SLC1A1: variants seen among roughly 807,000 people sequenced by gnomAD.
SLC1A1 encodes the protein solute carrier family 1 member 1.
In SLC1A1, 43 loss-of-function variants were observed where a neutral mutation model predicts 53.3. That is an observed-to-expected ratio of 0.81 (90% CI 0.63 to 1.04). The LOEUF is 1.04. Among genes scored for constraint, SLC1A1 ranks in the 50% least tolerant of loss-of-function variants. SLC1A1 has a pLI of 0.00. For synonymous variants in SLC1A1, 307 were observed against 243.2 expected, an observed-to-expected ratio of 1.26 and a Z score of -2.44; for missense variants, 748 against 664.9, an observed-to-expected ratio of 1.12 and a Z score of -1.37.
At chr9:4,504,444 G>A (rs779249606) in intron 1 of SLC1A1, among the ~76,000 whole-genome samples, 12 of 152,200 alleles carry the variant, frequency 7.9e-5, no homozygotes, top group East Asian at 1.9e-4. Context: ...GAACAACTGC[G>A]TGGGTAAACA....
chr9:4,526,819 G>A (rs943263259), intron 1 of SLC1A1, among the ~76,000 whole-genome samples: 3 of 151,676 alleles, frequency 2.0e-5, no homozygotes, highest in Admixed American at 1.3e-4. Context: ...GCAGTTCTGA[G>A]ACGGCACCCA....
chr9:4,551,014 C>T (rs1375882902), intron 2 of SLC1A1, among the ~76,000 whole-genome samples: 2 of 152,198 alleles, frequency 1.3e-5, no homozygotes, highest in African/African-American at 4.8e-5. Flanking sequence ...GACTCTGACA[C>T]TCCAGATGCA....
rs151159472 is a variant in SLC1A1, at chr9:4,576,487, T to C, written c.999-82T>C. 2.0e-3 allele frequency: 2,356 copies of C among 1,165,570 alleles called. 20 individuals carry two copies. In the African/African-American group the frequency reaches 0.028, roughly 14 times the overall value. 72.2% of individuals were successfully genotyped at this position (1,165,570 alleles called of 1,614,324 possible). ...ACCTAAAAGGACCCTTTGTTTACTT[T>C]TTGGAAGACAGGCATGTCTTCAGGC... On this transcript the variant is annotated intron_variant, in intron 9 of 11. Transcript: ENST00000262352.
chr9:4,517,374 C>T (rs1433832227), intron 1 of SLC1A1, among the ~76,000 whole-genome samples: 1 of 152,186 alleles, frequency 6.6e-6, no homozygotes, highest in Admixed American at 6.5e-5. Context: ...CTTGTCCTGC[C>T]TACTAGAATA....
At chr9:4,554,892 C>T (rs1042912468) in intron 2 of SLC1A1, among the ~76,000 whole-genome samples, 1 of 152,196 alleles carries the variant, frequency 6.6e-6, no homozygotes, top group Non-Finnish European at 1.5e-5. Flanking sequence ...CAGTGATGCA[C>T]ATCATCTTTA....
chr9:4,567,676 C>T lies in SLC1A1; in HGVS notation c.491C>T (p.Thr164Ile), dbSNP rs1322820613. 1 of 1,609,500 alleles carries T rather than the reference C, an allele frequency of 6.2e-7. No individual in the cohort carries two copies. Among genetic ancestry groups the T allele is most frequent in the Admixed American group, 1.7e-5 (1 of 59,984 alleles). Residue 164 changes from threonine (T) to isoleucine (I), a missense_variant, in exon 6 of 12, where the codon ACT becomes ATT. Transcript: ENST00000262352. ...ATTTTCTCCAACATGCAGTACAAAA[C>T]TAAGCGTGAAGAAGTGAAGCCTCCC... ...LVQACFQQYK[T>I]KREEVKPPSD... is the part of the protein sequence containing the mutation.
At chr9:4,528,100 A>G (rs1460699029) in intron 1 of SLC1A1, among the ~76,000 whole-genome samples, 3 of 152,178 alleles carry the variant, frequency 2.0e-5, no homozygotes, top group Non-Finnish European at 4.4e-5. Context: ...TATTAGGAGC[A>G]TGGACACTTT....
chr9:4,571,255 G>C (rs1820012613), intron 6 of SLC1A1, among the ~76,000 whole-genome samples: 1 of 152,244 alleles, frequency 6.6e-6, no homozygotes, highest in African/African-American at 2.4e-5. Context: ...GGAGGAGGGA[G>C]AGGATCAGGA....
At chr9:4,502,389 GAAAAAA>G (rs775499017) in intron 1 of SLC1A1, among the ~76,000 whole-genome samples, 13 of 56,490 alleles carry the variant, frequency 2.3e-4, no homozygotes, top group African/African-American at 6.9e-4. Flanking sequence ...CCTGTCTCCA[GAAAAAA>G]AAAAAAAAAA....
At chr9:4,546,490 G>C (rs958503856) in intron 2 of SLC1A1, among the ~76,000 whole-genome samples, 3 of 151,912 alleles carry the variant, frequency 2.0e-5, no homozygotes, top group African/African-American at 7.2e-5. Context: ...ACGGTGGTCT[G>C]AAACCAAGAG....
rs141047333 is a variant in SLC1A1 at position 4,557,008 on chromosome 9, C to T, written c.233-4441C>T. 4.2e-3 allele frequency among the ~76,000 whole-genome samples: 640 copies of T among 152,240 alleles called. 2 individuals carry two copies. The highest frequency in any genetic ancestry group is 6.7e-3 in the Non-Finnish European group (457 of 68,018). On this transcript the variant is annotated intron_variant, in intron 2 of 11. Coordinates refer to ENST00000262352, the MANE Select transcript of SLC1A1 (RefSeq NM_004170.6). ...GTCTTTTATGGCTGAAAAGTGTTCT[C>T]GTTGGCTGCCCTGGGAACCAAACTA...
rs534030367 is a variant in SLC1A1 at position 4,549,784 on chromosome 9, A to T, written c.232+5077A>T. Among the ~76,000 whole-genome samples, 6 of 152,178 alleles carry T rather than the reference A, an allele frequency of 3.9e-5. No homozygotes were observed. The South Asian group carries it at 1.2e-3, about 32-fold the overall frequency. On this transcript the variant is annotated intron_variant, in intron 2 of 11. Coordinates refer to ENST00000262352, the MANE Select transcript of SLC1A1 (RefSeq NM_004170.6). This position sits in a 1 kb window ranked among gnomAD's most constrained non-coding sequence, Gnocchi z 4.1. ...AGGAGCCTTCCATAGACTCCATACC[A>T]TAGTACCTGCTGGGTTATTGCAACC...
intron 1 of SLC1A1, among the ~76,000 whole-genome samples, chr9:4,537,552 C>T (rs1288929343): frequency 5.5e-5 from 2 of 36,668 alleles, no homozygotes; most frequent in South Asian, 4.2e-4. Context: ...GGCGACAGAG[C>T]GAGACTCCGT....
chr9:4,554,501 A>G (rs1349602554), intron 2 of SLC1A1: 1 of 152,296 alleles, frequency 6.6e-6, no homozygotes, highest in African/African-American at 2.4e-5. Flanking sequence ...GTGGATAATC[A>G]GGGAAGGATT....
chr9:4,517,754 G>A (rs1049486978), intron 1 of SLC1A1, among the ~76,000 whole-genome samples: 3 of 152,084 alleles, frequency 2.0e-5, no homozygotes, highest in African/African-American at 7.2e-5. Flanking sequence ...AAAAATTCAG[G>A]AGAAAAGGCC....
intron 1 of SLC1A1, 38 bp downstream of exon 1, chr9:4,490,808 A>T (rs747198189): frequency 6.0e-5 from 93 of 1,544,896 alleles, no homozygotes; most frequent in Non-Finnish European, 8.2e-5. Context: ...GCGCACCCTC[A>T]CGCGCTCTCT....
rs1223195473 is a variant in SLC1A1, at chr9:4,572,393, GCAGA to G, written c.767+8_767+11del. ...AATCGTTCAGATCATCATGTGGTGA[GCAGA>G]CACTGTTTAATGTCATTTTGCTTCC... On this transcript the variant is annotated splice_donor_region_variant and intron_variant, in intron 7 of 11. Transcript: ENST00000262352. 1.2e-6 allele frequency: 2 copies of G among 1,611,812 alleles called. No individual in the cohort carries two copies. The highest frequency in any genetic ancestry group is 1.3e-5 in the African/African-American group (1 of 74,874).
At chr9:4,521,135 T>G (rs1816055291) in intron 1 of SLC1A1, among the ~76,000 whole-genome samples, 1 of 152,266 alleles carries the variant, frequency 6.6e-6, no homozygotes, top group East Asian at 1.9e-4. Flanking sequence ...TTTTCATTGT[T>G]GAGTTGTAAG....
At chr9:4,510,831 C>T (rs996536462) in intron 1 of SLC1A1, among the ~76,000 whole-genome samples, 3 of 152,170 alleles carry the variant, frequency 2.0e-5, no homozygotes, top group Non-Finnish European at 2.9e-5. Flanking sequence ...ATTGGCTAGA[C>T]CAGGGTCCCT....
Sources: gnomAD v4.1 joint callset for allele counts (sites outside exome capture counted in the v4.1 genomes callset) on GRCh38, gnomAD v4.1.1 for gene constraint, Gnocchi (gnomAD v3.1) non-coding constraint, MANE v1.5 for transcripts, NCBI Gene and HGNC (gene_info 2026-07-23, HGNC 2026-07-21) for gene names.